The following CSMD1 variants were observed in gnomAD, a reference collection of about 807,000 sequenced individuals.
CSMD1 encodes the protein CUB and sushi domain-containing protein 1.
CSMD1 carries 213 observed loss-of-function variants against 417.5 expected under a neutral mutation model. The observed-to-expected ratio is 0.51, with a 90% confidence interval of 0.46 to 0.57. The LOEUF is 0.57. CSMD1 is among the 20% of genes least tolerant of loss of function. The pLI, the probability that CSMD1 is intolerant of heterozygous loss-of-function variation, is 0.00. For synonymous variants in CSMD1, 2,862 were observed against 1,736.8 expected (o/e 1.65, Z -16.11); for missense variants, 6,923 against 4,529.7 (o/e 1.53, Z -15.17).
intron 3 of CSMD1, among the ~76,000 whole-genome samples, chr8:4,209,055 C>A (rs963100071): frequency 6.6e-6 from 1 of 152,164 alleles, no homozygotes; most frequent in African/African-American, 2.4e-5. Flanking sequence ...TGACTTCTTG[C>A]TTCTTGAATT....
intron 10 of CSMD1, among the ~76,000 whole-genome samples, chr8:3,523,052 A>G (rs1414591159): frequency 1.3e-5 from 2 of 151,332 alleles, no homozygotes; most frequent in Non-Finnish European, 2.9e-5. Flanking sequence ...ACTCTTAAAA[A>G]TAAGAGTTAA....
intron 2 of CSMD1, among the ~76,000 whole-genome samples, chr8:4,441,028 T>C (rs964757507): frequency 6.9e-6 from 1 of 145,788 alleles, no homozygotes; most frequent in African/African-American, 2.5e-5. Flanking sequence ...TTAATGAAAA[T>C]ATATACATCT....
chr8:3,391,259 A>C (rs1257066140), intron 17 of CSMD1, among the ~76,000 whole-genome samples: 2 of 152,236 alleles, frequency 1.3e-5, no homozygotes, highest in Non-Finnish European at 2.9e-5. Context: ...AACATGATAT[A>C]TCAATCACAC....
chr8:3,344,542 A>G (rs1424897100), intron 22 of CSMD1, among the ~76,000 whole-genome samples: 1 of 152,200 alleles, frequency 6.6e-6, no homozygotes, highest in Non-Finnish European at 1.5e-5. Flanking sequence ...CGGCTAATCC[A>G]CCTGCCTCCC....
chr8:4,656,294 A>G (rs929815749), intron 1 of CSMD1, among the ~76,000 whole-genome samples: 2 of 152,080 alleles, frequency 1.3e-5, no homozygotes, highest in Admixed American at 1.3e-4. Flanking sequence ...GAAGAAAAGC[A>G]GGAGGAAAAG....
At chr8:4,396,892 G>A (rs918712880) in intron 3 of CSMD1, among the ~76,000 whole-genome samples, 1 of 152,042 alleles carries the variant, frequency 6.6e-6, no homozygotes, top group Non-Finnish European at 1.5e-5. Context: ...AAGGGTGGGA[G>A]GCAGATGGGA....
chr8:4,476,664 C>A (rs1428047159), intron 2 of CSMD1, among the ~76,000 whole-genome samples: 2 of 152,158 alleles, frequency 1.3e-5, no homozygotes, highest in African/African-American at 4.8e-5. Context: ...CATCCCAAGG[C>A]TGTGGACTCC....
intron 50 of CSMD1, among the ~76,000 whole-genome samples, chr8:3,035,984 C>G (rs929686849): frequency 1.3e-5 from 2 of 152,130 alleles, no homozygotes; most frequent in African/African-American, 4.8e-5. Context: ...ATACCATTGA[C>G]TATGTTGATA....
At chr8:4,005,995 G>T (rs188393017) in intron 4 of CSMD1, among the ~76,000 whole-genome samples, 1 of 152,158 alleles carries the variant, frequency 6.6e-6, no homozygotes, top group Admixed American at 6.5e-5. Flanking sequence ...AGAATGAGCA[G>T]AGAAGGGTTT....
intron 8 of CSMD1, among the ~76,000 whole-genome samples, chr8:3,593,363 G>A (rs1246760227): frequency 6.6e-6 from 1 of 152,208 alleles, no homozygotes; most frequent in Non-Finnish European, 1.5e-5. Context: ...GAAGGTGGGA[G>A]GAGCCCGTGA....
chr8:4,438,780 G>A (rs1007581011), intron 2 of CSMD1, among the ~76,000 whole-genome samples: 2 of 152,202 alleles, frequency 1.3e-5, no homozygotes. Flanking sequence ...TGAATCACAA[G>A]TGCTTGAAGG....
intron 1 of CSMD1, among the ~76,000 whole-genome samples, chr8:4,881,906 T>C (rs1337431466): frequency 1.3e-5 from 2 of 152,064 alleles, no homozygotes; most frequent in Non-Finnish European, 2.9e-5. Flanking sequence ...ACATTGATGC[T>C]GGACACTTTT....
chr8:4,428,256 A>C lies in CSMD1; in HGVS notation c.303-8191T>G, dbSNP rs1797677885. ...ACACAAGACAACTAGGAGACTATCAACTTGATACAAGGAAAATCAGGACAG... is the reference window on the plus strand; with the variant it reads ...ACACAAGACAACTAGGAGACTATCACCTTGATACAAGGAAAATCAGGACAG... On this transcript the variant is annotated intron_variant, in intron 2 of 69. Coordinates refer to ENST00000635120, the MANE Select transcript of CSMD1 (RefSeq NM_033225.6). 3.3e-5 allele frequency among the ~76,000 whole-genome samples: 5 copies of C among 152,336 alleles called. No homozygotes were observed. The South Asian group carries it at 1.0e-3, about 32-fold the overall frequency.
rs758552990 is a variant in CSMD1 at position 3,574,847 on chromosome 8, G to A, written c.1344+98C>T. 5 of 1,371,150 alleles carry A rather than the reference G, an allele frequency of 3.6e-6. No individual in the cohort carries two copies. In the South Asian group the frequency reaches 4.3e-5, roughly 12 times the overall value. 84.9% of individuals were successfully genotyped at this position (1,371,150 alleles called of 1,614,324 possible). A position where few individuals can be genotyped will look rare whatever the true frequency, so the allele number is the denominator to read the frequency against. ...AACTTTTAAATTCAAACAGTAAAGT[G>A]TAAGCACGGATAGCATTTGCTGGGC... On this transcript the variant is annotated intron_variant, in intron 10 of 69. Transcript: ENST00000635120.
At chr8:4,198,195 A>G (rs992755947) in intron 3 of CSMD1, among the ~76,000 whole-genome samples, 6 of 152,204 alleles carry the variant, frequency 3.9e-5, no homozygotes, top group Admixed American at 1.3e-4. Context: ...CCAAGCAGAG[A>G]GTCCAAGGTA....
intron 5 of CSMD1, among the ~76,000 whole-genome samples, chr8:3,864,807 G>C (rs1009521279): frequency 2.0e-5 from 3 of 152,168 alleles, no homozygotes; most frequent in African/African-American, 7.2e-5. Flanking sequence ...AGGGTCTAAA[G>C]AGCTATTTGT....
At chr8:3,500,399 G>A (rs1333816942) in intron 10 of CSMD1, among the ~76,000 whole-genome samples, 1 of 152,124 alleles carries the variant, frequency 6.6e-6, no homozygotes, top group Non-Finnish European at 1.5e-5. Context: ...AAACAGTATG[G>A]AGCTTGGGAG....
chr8:4,915,818 C>G (rs938302450), intron 1 of CSMD1, among the ~76,000 whole-genome samples: 8 of 152,228 alleles, frequency 5.3e-5, no homozygotes, highest in Non-Finnish European at 1.2e-4. Flanking sequence ...ATCTTGGCCA[C>G]ACGGAGACCC....
At chr8:4,780,785 G>A (rs774062875) in intron 1 of CSMD1, among the ~76,000 whole-genome samples, 3 of 151,986 alleles carry the variant, frequency 2.0e-5, no homozygotes, top group Non-Finnish European at 4.4e-5. Flanking sequence ...TGTCCTCATA[G>A]CTTAGCTCCC....
Sources: gnomAD v4.1 joint callset for allele counts (sites outside exome capture counted in the v4.1 genomes callset) on GRCh38, gnomAD v4.1.1 for gene constraint, MANE v1.5 for transcripts, NCBI Gene and HGNC (gene_info 2026-07-23, HGNC 2026-07-21) for gene names.